The following RP1 variants were observed in gnomAD, a reference collection of about 807,000 sequenced individuals.
RP1 encodes the protein RP1 axonemal microtubule associated.
Under a neutral mutation model 14.8 loss-of-function variants are expected in RP1, and 16 were observed. The ratio of observed to expected loss-of-function variants is 1.08; its 90% CI spans 0.73 to 1.65. The LOEUF (loss-of-function observed/expected upper bound fraction) is 1.65. RP1 is among the 40% of genes most tolerant of loss of function. The probability of loss-of-function intolerance (pLI) is 0.00; values close to 1 mark genes in which losing one functional copy is unlikely to be tolerated. For missense variants in RP1, 2,631 were observed against 2,535.0 expected, an observed-to-expected ratio of 1.04 and a Z score of -0.81; for synonymous variants, 876 against 883.6, an observed-to-expected ratio of 0.99 and a Z score of 0.15.
chr8:54,717,993 G>A (rs1315014644), intron 15 of RP1, among the ~76,000 whole-genome samples: 1 of 152,050 alleles, frequency 6.6e-6, no homozygotes, highest in East Asian at 1.9e-4. Flanking sequence ...AGTTATATTA[G>A]TATAAAAATG....
chr8:54,744,332 G>A (rs1809172803), intron 19 of RP1, among the ~76,000 whole-genome samples: 1 of 152,154 alleles, frequency 6.6e-6, no homozygotes, highest in African/African-American at 2.4e-5. Flanking sequence ...GGGCAAGGGA[G>A]CTCCCTAGGG....
At chr8:54,860,839 T>C (rs1279183163) in intron 27 of RP1, among the ~76,000 whole-genome samples, 1 of 152,252 alleles carries the variant, frequency 6.6e-6, no homozygotes, top group Non-Finnish European at 1.5e-5. Context: ...ACAGTGCTAT[T>C]GTCCATTTGA....
intron 27 of RP1, among the ~76,000 whole-genome samples, chr8:54,859,076 C>T (rs534101360): frequency 4.6e-5 from 7 of 151,976 alleles, no homozygotes; most frequent in Non-Finnish European, 8.8e-5. Context: ...AGAGGGGTGT[C>T]ATTATAGAGT....
At chr8:54,671,117 T>A (rs561854309) in intron 7 of RP1, among the ~76,000 whole-genome samples, 1 of 152,180 alleles carries the variant, frequency 6.6e-6, no homozygotes, top group African/African-American at 2.4e-5. Flanking sequence ...GTAGAATTTT[T>A]GGTTGAGAGG....
At chr8:54,586,409 TG>T (rs1207428298) in intron 1 of RP1, among the ~76,000 whole-genome samples, 1 of 152,176 alleles carries the variant, frequency 6.6e-6, no homozygotes, top group East Asian at 1.9e-4. Flanking sequence ...CTGCCCCTAC[TG>T]GGGGGTGCCT....
chr8:54,749,322 C>T (rs1367914251), intron 19 of RP1, among the ~76,000 whole-genome samples: 3 of 150,980 alleles, frequency 2.0e-5, no homozygotes, highest in Non-Finnish European at 4.4e-5. Flanking sequence ...CAGAGCAAGA[C>T]TCCATCTCAA....
rs181169532 is a variant in RP1, at chr8:54,861,784, A to G, written c.4070-4051A>G. On this transcript the variant is annotated intron_variant, in intron 27 of 28. Transcript: ENST00000637698. ...TGCCCAGCTAATTTTTTGTATTTTT[A>G]GTAGAGACGGGGTTTTGCCATGTTG... Among the ~76,000 whole-genome samples the G allele has an allele frequency of 2.7e-3, 412 of 152,104 alleles. 2 individuals are homozygous for G. Among genetic ancestry groups the G allele is most frequent in the African/African-American group, 9.5e-3 (393 of 41,512 alleles).
intron 21 of RP1, among the ~76,000 whole-genome samples, chr8:54,756,093 AG>A (rs1809499416): frequency 6.6e-6 from 1 of 152,232 alleles, no homozygotes; most frequent in Non-Finnish European, 1.5e-5. Flanking sequence ...GAAAGATACA[AG>A]GCATTATTTT....
At chr8:54,795,776 C>A (rs1219371125) in intron 24 of RP1, among the ~76,000 whole-genome samples, 6 of 152,092 alleles carry the variant, frequency 3.9e-5, no homozygotes, top group African/African-American at 1.4e-4. Flanking sequence ...CATTAGCCAT[C>A]CTTATTTTTT....
chr8:54,711,122 A>G (rs549147811), intron 15 of RP1, among the ~76,000 whole-genome samples: 32 of 152,168 alleles, frequency 2.1e-4, no homozygotes, highest in Non-Finnish European at 4.3e-4. Context: ...AGGTGAGGTG[A>G]GTGTAATCCT....
At chr8:54,830,839 T>C (rs1008810848) in intron 24 of RP1, among the ~76,000 whole-genome samples, 3 of 152,124 alleles carry the variant, frequency 2.0e-5, no homozygotes, top group Non-Finnish European at 4.4e-5. Flanking sequence ...AAAAACTCTG[T>C]ACACATTCAG....
downstream of RP1, among the ~76,000 whole-genome samples, chr8:54,634,925 C>CA (rs530495896): frequency 1.0e-3 from 155 of 151,856 alleles, no homozygotes; most frequent in African/African-American, 3.6e-3. Flanking sequence ...ACTAAAAATA[C>CA]AAAAAAATTA....
At chr8:54,853,472 G>A (rs567967798) in intron 26 of RP1, among the ~76,000 whole-genome samples, 2 of 152,280 alleles carry the variant, frequency 1.3e-5, no homozygotes, top group South Asian at 4.1e-4. Flanking sequence ...ACCAGGAGCA[G>A]CAGTGATGGG....
At chr8:54,832,666 AT>A (rs768129863) in intron 24 of RP1, among the ~76,000 whole-genome samples, 1 of 151,534 alleles carries the variant, frequency 6.6e-6, no homozygotes, top group African/African-American at 2.4e-5. Context: ...ACGTCTAGTA[AT>A]TTTGATTGCA....
intron 12 of RP1, chr8:54,679,963 T>A (rs1267131707): frequency 6.5e-7 from 1 of 1,531,856 alleles, no homozygotes; most frequent in Admixed American, 2.0e-5. Flanking sequence ...CTTGTGGTGC[T>A]GGACAGGTCT....
At chr8:54,813,334 G>T (rs955799296) in intron 24 of RP1, among the ~76,000 whole-genome samples, 1 of 152,180 alleles carries the variant, frequency 6.6e-6, no homozygotes, top group African/African-American at 2.4e-5. Context: ...AGAGTTCATT[G>T]AATAGCCTGC....
chr8:54,758,931 T>C (rs899915370), exon 22 of RP1: 77 of 1,535,292 alleles, frequency 5.0e-5, no homozygotes, highest in Non-Finnish European at 6.1e-5. Flanking sequence ...GATTGATAAA[T>C]TTCAAGTAGC....
At chr8:54,736,804 C>G (rs1808939247) in intron 18 of RP1, among the ~76,000 whole-genome samples, 1 of 152,130 alleles carries the variant, frequency 6.6e-6, no homozygotes, top group African/African-American at 2.4e-5. Context: ...CCCAGACCTA[C>G]TGCATCAGAA....
rs888169477 is a variant in RP1, at chr8:54,834,217, C to T, written c.3616-3233C>T. Among the ~76,000 whole-genome samples, 4 of 151,954 alleles carry T rather than the reference C, an allele frequency of 2.6e-5. No homozygotes were observed. The South Asian group carries it at 8.3e-4, about 32-fold the overall frequency. The stretch of plus-strand genomic sequence containing the variant: ...CCAGAATTATTTAGAGCTAGTAGCT[C>T]CTAAATCTTCAGAGGCATCATAACT... On this transcript the variant is annotated intron_variant, in intron 24 of 28. Transcript: ENST00000637698.
Sources: gnomAD v4.1 joint callset for allele counts (sites outside exome capture counted in the v4.1 genomes callset) on GRCh38, gnomAD v4.1.1 for gene constraint, MANE v1.5 for transcripts, NCBI Gene and HGNC (gene_info 2026-07-23, HGNC 2026-07-21) for gene names.